Variants in UBE2N observed in about 807,000 individuals in gnomAD.
The protein encoded by UBE2N is ubiquitin conjugating enzyme E2 N, also known as ubiquitin-conjugating enzyme E2 N.
For missense variants in UBE2N, 60 were observed against 192.1 expected (o/e 0.31, Z 4.07); for synonymous variants, 70 against 69.2 (o/e 1.01, Z -0.06).
chr12:93,430,370 T>C (rs1290795113), intron 1 of UBE2N, among the ~76,000 whole-genome samples: 1 of 152,174 alleles, frequency 6.6e-6, no homozygotes. Context: ...TCTCAGAAAG[T>C]AACTCCATCG....
rs1421511320 is a variant in UBE2N, at chr12:93,406,930, G to A, written c.*3109C>T. The A allele has an allele frequency of 6.6e-6, 1 of 152,184 alleles. No individual in the cohort carries two copies. Among genetic ancestry groups the A allele is most frequent in the Non-Finnish European group, 1.5e-5 (1 of 68,040 alleles). 9.4% of individuals were successfully genotyped at this position (152,184 alleles called of 1,614,324 possible). ...AGGATAACTAGAGCAGAAGCAAATC[G>A]CAGCGAAGTAGACTACAACAATCAA... On this transcript the variant is annotated 3_prime_UTR_variant, in exon 4 of 4. Coordinates refer to ENST00000318066, the MANE Select transcript of UBE2N (RefSeq NM_003348.4).
intron 1 of UBE2N, among the ~76,000 whole-genome samples, chr12:93,416,175 T>G (rs1304526790): frequency 1.3e-5 from 2 of 151,976 alleles, no homozygotes; most frequent in Non-Finnish European, 2.9e-5. Context: ...GCATAAACTG[T>G]GGGAGGGGAA....
chr12:93,418,356 T>C (rs1878289466), intron 1 of UBE2N, among the ~76,000 whole-genome samples: 1 of 150,696 alleles, frequency 6.6e-6, no homozygotes, highest in African/African-American at 2.4e-5. Context: ...AGTGAGACCT[T>C]GTCTCTTAAA....
intron 1 of UBE2N, among the ~76,000 whole-genome samples, chr12:93,434,115 A>ACCCGTC (rs1878850646): frequency 6.6e-6 from 1 of 152,136 alleles, no homozygotes; most frequent in Non-Finnish European, 1.5e-5. Context: ...ACATGGTGAA[A>ACCCGTC]CCCGTCTCTA....
chr12:93,415,801 A>G (rs767081595), intron 1 of UBE2N, among the ~76,000 whole-genome samples: 2 of 152,196 alleles, frequency 1.3e-5, no homozygotes, highest in Admixed American at 6.5e-5. Context: ...CACCAGTTAC[A>G]CAAAGTAGTA....
chr12:93,414,341 T>G (rs1210176337), intron 1 of UBE2N, among the ~76,000 whole-genome samples: 1 of 143,104 alleles, frequency 7.0e-6, no homozygotes, highest in East Asian at 2.1e-4. Context: ...CCCAGCTACT[T>G]GGGAGGCTGA....
chr12:93,434,221 G>T lies in UBE2N; in HGVS notation c.30+7634C>A, dbSNP rs369015549. ...GCAGGAGAATCGCTTGAACCTGGGA[G>T]GTGGAGATTGCAGTTAGCCGAGTTC... On this transcript the variant is annotated intron_variant, in intron 1 of 3. Transcript: ENST00000318066. 1.4e-4 allele frequency among the ~76,000 whole-genome samples: 21 copies of T among 152,382 alleles called. No individual in the cohort carries two copies. The East Asian group carries it at 3.9e-3, about 28-fold the overall frequency.
At chr12:93,411,820 A>C (rs1481244936) in intron 1 of UBE2N, among the ~76,000 whole-genome samples, 1 of 152,026 alleles carries the variant, frequency 6.6e-6, no homozygotes, top group African/African-American at 2.4e-5. Context: ...CGGCCTCCTG[A>C]GTAGCTGGGA....
chr12:93,425,540 AGT>A (rs1186353990), intron 1 of UBE2N, among the ~76,000 whole-genome samples: 1 of 152,204 alleles, frequency 6.6e-6, no homozygotes, highest in East Asian at 1.9e-4. Flanking sequence ...GTTGGACACC[AGT>A]GTGTCTTGCA....
chr12:93,437,201 A>G (rs2121100902), intron 1 of UBE2N, among the ~76,000 whole-genome samples: 1 of 152,290 alleles, frequency 6.6e-6, no homozygotes, highest in South Asian at 2.1e-4. Context: ...GCCAAAGCAG[A>G]ACACTATGAT....
chr12:93,423,876 G>A (rs1878493464), intron 1 of UBE2N, among the ~76,000 whole-genome samples: 1 of 152,170 alleles, frequency 6.6e-6, no homozygotes, highest in African/African-American at 2.4e-5. Context: ...ATTATGAACT[G>A]TCATCCTGGT....
chr12:93,425,131 T>C lies in UBE2N; in HGVS notation c.31-13832A>G, dbSNP rs1031021847. 5.3e-5 allele frequency among the ~76,000 whole-genome samples: 8 copies of C among 152,154 alleles called. No homozygotes were observed. In the East Asian group the frequency reaches 5.8e-4, roughly 11 times the overall value. On this transcript the variant is annotated intron_variant, in intron 1 of 3. Transcript: ENST00000318066. ...TACATTCTAATCCTTCCAATTACCATAGAGCTAGATTAGTATATTAAGCAG... is the reference window on the plus strand; with the variant it reads ...TACATTCTAATCCTTCCAATTACCACAGAGCTAGATTAGTATATTAAGCAG...
rs1877839256 is a variant in UBE2N at position 93,406,719 on chromosome 12, A to G, written c.*3320T>C. 1 of 152,248 alleles carries G rather than the reference A, an allele frequency of 6.6e-6. No homozygotes were observed. The highest frequency in any genetic ancestry group is 6.5e-5 in the Admixed American group (1 of 15,278). 9.4% of individuals were successfully genotyped at this position (152,248 alleles called of 1,614,324 possible). Reference sequence around the variant, plus strand: ...TTATAATAGGTATTATAAGTAATCTAAATATTAACATAAGCGGGAGGATTT... The same window carrying G: ...TTATAATAGGTATTATAAGTAATCTGAATATTAACATAAGCGGGAGGATTT... On this transcript the variant is annotated 3_prime_UTR_variant, in exon 4 of 4. Coordinates refer to ENST00000318066, the MANE Select transcript of UBE2N (RefSeq NM_003348.4).
intron 1 of UBE2N, among the ~76,000 whole-genome samples, chr12:93,423,570 C>T (rs1434730129): frequency 6.6e-6 from 1 of 152,122 alleles, no homozygotes; most frequent in Non-Finnish European, 1.5e-5. Flanking sequence ...GTGTACCTAG[C>T]GTGGGGAGGG....
In UBE2N at chr12:93,406,935, G is replaced by A. The variant is rs576856182; in HGVS notation, c.*3104C>T. The A allele has an allele frequency of 1.1e-4, 16 of 152,186 alleles. No homozygotes were observed. The highest frequency in any genetic ancestry group is 2.2e-4 in the African/African-American group (9 of 41,442). 9.4% of individuals were successfully genotyped at this position (152,186 alleles called of 1,614,324 possible). On this transcript the variant is annotated 3_prime_UTR_variant, in exon 4 of 4. Transcript: ENST00000318066. ...AACTAGAGCAGAAGCAAATCGCAGC[G>A]AAGTAGACTACAACAATCAAGTCAA... is the stretch of plus-strand genomic sequence containing the variant.
intron 1 of UBE2N, among the ~76,000 whole-genome samples, chr12:93,424,077 A>G (rs1878500815): frequency 6.6e-6 from 1 of 152,210 alleles, no homozygotes. Flanking sequence ...TGTTCTGATA[A>G]AGACAAAAGC....
rs1468454400 is a variant in UBE2N, at chr12:93,405,764, T to C, written c.*4275A>G. ...TCAGCATGTTTTGCTTTTTATGTTATTTAAAGTATAAACCCTCATATAATT... is the reference window on the plus strand; with the variant it reads ...TCAGCATGTTTTGCTTTTTATGTTACTTAAAGTATAAACCCTCATATAATT... On this transcript the variant is annotated 3_prime_UTR_variant, in exon 4 of 4. Transcript: ENST00000318066. 3 of 152,268 alleles carry C rather than the reference T, an allele frequency of 2.0e-5. No homozygotes were observed. The highest frequency in any genetic ancestry group is 7.2e-5 in the African/African-American group (3 of 41,542). The allele number at this position is 152,268 out of a possible 1,614,324, so 9.4% of individuals were successfully genotyped here.
intron 1 of UBE2N, among the ~76,000 whole-genome samples, chr12:93,431,073 A>G (rs1452410964): frequency 2.0e-5 from 3 of 151,980 alleles, no homozygotes; most frequent in Non-Finnish European, 2.9e-5. Flanking sequence ...CTAAAAATAC[A>G]AAAATTAGCC....
chr12:93,406,128 T>C lies in UBE2N; in HGVS notation c.*3911A>G, dbSNP rs7302414. 0.12 allele frequency: 18,713 copies of C among 150,876 alleles called. 3,726 individuals are homozygous for C. The highest frequency in any genetic ancestry group is 0.42 in the African/African-American group (17,315 of 41,124). 9.3% of individuals were successfully genotyped at this position (150,876 alleles called of 1,614,324 possible). On this transcript the variant is annotated 3_prime_UTR_variant, in exon 4 of 4. Transcript: ENST00000318066. ...CTAAAAATACAAAAAATTAGCCAGG[T>C]GTGGTGGCAGGTGTCTGTAGTCCCA... is the stretch of plus-strand genomic sequence containing the variant.
Sources: gnomAD v4.1 joint callset for allele counts (sites outside exome capture counted in the v4.1 genomes callset) on GRCh38, gnomAD v4.1.1 for gene constraint, MANE v1.5 for transcripts, NCBI Gene and HGNC (gene_info 2026-07-23, HGNC 2026-07-21) for gene names.